Variants in KDM3A observed in about 807,000 individuals in gnomAD.
KDM3A encodes lysine demethylase 3A.
A neutral mutation model predicts 158.0 loss-of-function variants in KDM3A; 60 were observed. The ratio of observed to expected loss-of-function variants is 0.38; its 90% CI spans 0.31 to 0.47. The LOEUF (loss-of-function observed/expected upper bound fraction) is 0.47. Among genes scored for constraint, KDM3A ranks in the 20% least tolerant of loss-of-function variants. The probability of loss-of-function intolerance (pLI) is 0.99; values close to 1 mark genes in which losing one functional copy is unlikely to be tolerated. For synonymous variants in KDM3A, 608 were observed against 549.3 expected (o/e 1.11, Z -1.49); for missense variants, 1,319 against 1,574.3 (o/e 0.84, Z 2.74).
intron 10 of KDM3A, among the ~76,000 whole-genome samples, chr2:86,469,042 C>T (rs1673281950): frequency 6.6e-6 from 1 of 152,156 alleles, no homozygotes; most frequent in South Asian, 2.1e-4. Context: ...CATCCTTGAA[C>T]TACTAATCTC....
At chr2:86,486,119 GTTAC>G (rs536924034) in intron 21 of KDM3A, among the ~76,000 whole-genome samples, 94 of 152,088 alleles carry the variant, frequency 6.2e-4, no homozygotes, top group African/African-American at 2.1e-3. Flanking sequence ...ATCTTTACAT[GTTAC>G]TTAATAGTCT....
chr2:86,474,727 G>GTGTGTA (rs1360515027), intron 11 of KDM3A, 49 bp from the exon 12 acceptor site: 6 of 827,712 alleles, frequency 7.2e-6, no homozygotes, highest in Non-Finnish European at 2.1e-6. Flanking sequence ...GTGTGTGTGT[G>GTGTGTA]TGTGTGTGTG....
chr2:86,470,042 G>T (rs1181922434), intron 10 of KDM3A, among the ~76,000 whole-genome samples, 162 bp from the exon 11 acceptor site: 3 of 152,178 alleles, frequency 2.0e-5, no homozygotes, highest in African/African-American at 7.2e-5. Flanking sequence ...TATTCTGATA[G>T]TTGTCTTCTG....
Position 86,466,562 on chromosome 2 carries a change from G to A in KDM3A, c.1198G>A (p.Glu400Lys), listed in dbSNP as rs761294712. 6.2e-7 allele frequency: 1 copy of A among 1,613,922 alleles called. No homozygotes were observed. Among genetic ancestry groups the A allele is most frequent in the Non-Finnish European group, 8.5e-7 (1 of 1,179,872 alleles). The change falls in exon 10 of 26, where the codon GAA becomes AAA. Residue 400 changes from glutamate to lysine, a missense_variant. By Grantham distance (56) the Glu-to-Lys change is moderately conservative (BLOSUM62 1). Coordinates refer to ENST00000312912, the MANE Select transcript of KDM3A (RefSeq NM_018433.6). ...TCAGCCTAAGACAAACACTGATCAG[G>A]AAAACAGATTGGAGTCTGTTCCACA... The part of the protein sequence containing the change: ...CTQPKTNTDQ[E>K]NRLESVPQAL...
In KDM3A at chr2:86,483,843, T is replaced by C; in HGVS notation, c.2923-144T>C. On this transcript the variant is annotated intron_variant, in intron 18 of 25. Coordinates refer to ENST00000312912, the MANE Select transcript of KDM3A (RefSeq NM_018433.6). ...GAGGTGCTTTGGGAGCTCAGAGAAC[T>C]AAGCCGAAACTGTCACATCACCATC... 6.2e-6 allele frequency: 4 copies of C among 643,570 alleles called. No individual in the cohort carries two copies. The South Asian group carries it at 8.6e-5, about 14-fold the overall frequency. The allele number at this position is 643,570 out of a possible 1,614,324, so 39.9% of individuals were successfully genotyped here.
At chr2:86,482,303 A>G (rs531953768) in intron 17 of KDM3A, among the ~76,000 whole-genome samples, 155 bp from the exon 18 acceptor site, 9 of 152,278 alleles carry the variant, frequency 5.9e-5, no homozygotes, top group African/African-American at 1.9e-4. Context: ...CCTCACTTCT[A>G]TGAGTTGTCA....
Position 86,456,910 on chromosome 2 carries a change from T to C in KDM3A, c.754+33T>C, listed in dbSNP as rs150374946. On this transcript the variant is annotated intron_variant, in intron 7 of 25. Transcript: ENST00000312912. ...ATGTTATTAAAATCTTTCTTCTCCT[T>C]CCTCCTTTCCTCCGTTCTTCTCACA... The C allele has an allele frequency of 1.1e-4, 165 of 1,569,854 alleles. No homozygotes were observed. In the East Asian group the frequency reaches 3.7e-3, roughly 35 times the overall value.
At chr2:86,481,085 A>G (rs1044467259) in intron 16 of KDM3A, among the ~76,000 whole-genome samples, 1 of 152,226 alleles carries the variant, frequency 6.6e-6, no homozygotes, top group African/African-American at 2.4e-5. Flanking sequence ...TCAAAAATGT[A>G]GAAGAATCAT....
chr2:86,449,842 A>G lies in KDM3A; in HGVS notation c.222A>G (p.Lys74=). 6.2e-7 allele frequency: 1 copy of G among 1,613,112 alleles called. No homozygotes were observed. The highest frequency in any genetic ancestry group is 1.1e-5 in the South Asian group (1 of 90,936). The part of the protein sequence containing the change: ...CVEFDGESWR[K]RRWIEVYSLL... ...AATTTGATGGGGAATCTTGGAGGAA[A>G]AGAAGATGGATAGAAGTCTACAGCC... The change falls in exon 3 of 26, where the codon AAA becomes AAG. Residue 74 remains lysine, a synonymous_variant. Coordinates refer to ENST00000312912, the MANE Select transcript of KDM3A (RefSeq NM_018433.6).
chr2:86,458,852 T>G (rs1672812787), intron 8 of KDM3A, among the ~76,000 whole-genome samples: 1 of 152,064 alleles, frequency 6.6e-6, no homozygotes, highest in Non-Finnish European at 1.5e-5. Flanking sequence ...GGAGATTGAC[T>G]TAAGCTCTGT....
At chr2:86,442,752 G>T (rs908886753) in intron 2 of KDM3A, among the ~76,000 whole-genome samples, 4 of 152,144 alleles carry the variant, frequency 2.6e-5, no homozygotes, top group African/African-American at 4.8e-5. Context: ...GTGTTTGTCC[G>T]TATATGGTGG....
chr2:86,478,154 A>G lies in KDM3A; in HGVS notation c.2093-16A>G. 6.2e-7 allele frequency: 1 copy of G among 1,612,064 alleles called. No individual in the cohort carries two copies. Among genetic ancestry groups the G allele is most frequent in the Non-Finnish European group, 8.5e-7 (1 of 1,178,212 alleles). ...GAGTCTGTAAAGAACAGTTACTACAAATCAGTTATTTGCAGGTGCTGCTTA... is the reference window on the plus strand; with the variant it reads ...GAGTCTGTAAAGAACAGTTACTACAGATCAGTTATTTGCAGGTGCTGCTTA... On this transcript the variant is annotated splice_polypyrimidine_tract_variant and intron_variant, in intron 13 of 25. Coordinates refer to ENST00000312912, the MANE Select transcript of KDM3A (RefSeq NM_018433.6).
intron 23 of KDM3A, 163 bp downstream of exon 23, chr2:86,489,822 A>G: frequency 1.5e-6 from 1 of 645,170 alleles, no homozygotes; most frequent in Non-Finnish European, 2.5e-6. Flanking sequence ...CTAAGGAACA[A>G]GGATTCTAAA....
In KDM3A at chr2:86,478,350, G is replaced by A. The variant is rs137889930; in HGVS notation, c.2188+85G>A. On this transcript the variant is annotated intron_variant, in intron 14 of 25. Coordinates refer to ENST00000312912, the MANE Select transcript of KDM3A (RefSeq NM_018433.6). The stretch of plus-strand genomic sequence containing the variant: ...GTAGTTTTGTTTTCCTTTATTACTC[G>A]TTAAGTTTATTTTAGTGTGTATTGT... The A allele has an allele frequency of 1.0e-4, 105 of 1,035,770 alleles. 1 individual carries two copies. The highest frequency in any genetic ancestry group is 5.9e-4 in the Admixed American group (29 of 48,992). The allele number at this position is 1,035,770 out of a possible 1,614,324, so 64.2% of individuals were successfully genotyped here.
chr2:86,481,813 T>C, intron 16 of KDM3A, 117 bp from the exon 17 acceptor site: 1 of 686,810 alleles, frequency 1.5e-6, no homozygotes, highest in Non-Finnish European at 2.5e-6. Flanking sequence ...CCCTAAAGTA[T>C]TTTTTTTGTT....
At chr2:86,485,312 T>G (rs1412450519) in intron 20 of KDM3A, among the ~76,000 whole-genome samples, 2 of 152,290 alleles carry the variant, frequency 1.3e-5, no homozygotes, top group African/African-American at 4.8e-5. Flanking sequence ...CAAGGCTGAT[T>G]TGGAGGCAGT....
chr2:86,443,339 G>A (rs1285556004), intron 2 of KDM3A: 2 of 152,214 alleles, frequency 1.3e-5, no homozygotes, highest in Admixed American at 6.5e-5. Flanking sequence ...AACACTTTCA[G>A]GGTGACAGTG....
chr2:86,474,879 G>A lies in KDM3A; in HGVS notation c.1828G>A (p.Val610Ile), dbSNP rs753759863. The A allele has an allele frequency of 2.5e-6, 4 of 1,613,984 alleles. No homozygotes were observed. The South Asian group carries it at 3.3e-5, about 13-fold the overall frequency. ...IGLWLPLTKNVVGIDLDTAKY... is the reference protein window; with the variant it reads ...IGLWLPLTKNIVGIDLDTAKY... ...CTTGTGGTTACCTTTAACCAAAAAC[G>A]TTGTGGGGATTGATTTGGACACAGC... is the stretch of plus-strand genomic sequence containing the variant. The change falls in exon 12 of 26, where the codon GTT becomes ATT. Residue 610 changes from valine (V) to isoleucine (I), a missense_variant. Physicochemically the swap from Val to Ile is conservative, Grantham distance 29. Transcript: ENST00000312912.
intron 12 of KDM3A, 92 bp from the exon 13 acceptor site, chr2:86,477,785 C>A: frequency 8.2e-7 from 1 of 1,215,382 alleles, no homozygotes; most frequent in South Asian, 1.5e-5. Flanking sequence ...GAAGTCTAGT[C>A]ACAGGGAGGA....
Sources: gnomAD v4.1 joint callset for allele counts (sites outside exome capture counted in the v4.1 genomes callset) on GRCh38, gnomAD v4.1.1 for gene constraint, MANE v1.5 for transcripts, NCBI Gene and HGNC (gene_info 2026-07-23, HGNC 2026-07-21) for gene names.